The following MTBP variants were observed in gnomAD, a reference collection of about 807,000 sequenced individuals.
The protein encoded by MTBP is mdm2-binding protein.
MTBP carries 101 observed loss-of-function variants against 117.0 expected under a neutral mutation model. That is an observed-to-expected ratio of 0.86 (90% CI 0.73 to 1.02). The LOEUF (loss-of-function observed/expected upper bound fraction) is 1.02, where lower values mean the gene tolerates loss of function less well. MTBP is among the 50% of genes least tolerant of loss of function. The probability of loss-of-function intolerance (pLI) is 0.00; values close to 1 mark genes in which losing one functional copy is unlikely to be tolerated. For synonymous variants in MTBP, 350 were observed against 351.5 expected (o/e 1.00, Z 0.05); for missense variants, 970 against 1,030.9 (o/e 0.94, Z 0.81).
intron 2 of MTBP, among the ~76,000 whole-genome samples, chr8:120,449,376 TAAG>T (rs1813290754): frequency 6.6e-6 from 1 of 152,120 alleles, no homozygotes; most frequent in Non-Finnish European, 1.5e-5. Context: ...AGATGCAAAG[TAAG>T]AAGTAAAAAT....
chr8:120,461,453 C>T (rs1183393974), intron 9 of MTBP, among the ~76,000 whole-genome samples, 198 bp downstream of exon 9: 1 of 152,128 alleles, frequency 6.6e-6, no homozygotes, highest in African/African-American at 2.4e-5. Context: ...TTCCCACCAC[C>T]TGGATCCTAT....
chr8:120,495,587 G>A lies in MTBP; in HGVS notation c.1448-1806G>A, dbSNP rs540921024. 9.9e-5 allele frequency among the ~76,000 whole-genome samples: 15 copies of A among 151,630 alleles called. 1 individual carries two copies. The South Asian group carries it at 2.5e-3, about 25-fold the overall frequency. ...CTCTGGAGCTCTGGAGCTCTTACTA[G>A]ATATTGACTTTTCTGGACAGAATGC... On this transcript the variant is annotated intron_variant, in intron 13 of 21. Coordinates refer to ENST00000305949, the MANE Select transcript of MTBP (RefSeq NM_022045.5).
intron 2 of MTBP, among the ~76,000 whole-genome samples, chr8:120,448,298 T>C (rs1813268585): frequency 2.6e-5 from 4 of 152,222 alleles, no homozygotes; most frequent in Admixed American, 2.6e-4. Context: ...AGCCTCATTT[T>C]CTCTGGGACA....
chr8:120,488,028 G>T, intron 11 of MTBP, 131 bp from the exon 12 acceptor site: 1 of 586,732 alleles, frequency 1.7e-6, no homozygotes. Flanking sequence ...ACAACTACTA[G>T]CCCTGAATGT....
chr8:120,474,078 A>G (rs1813882583), intron 11 of MTBP: 1 of 152,106 alleles, frequency 6.6e-6, no homozygotes, highest in East Asian at 1.9e-4. Flanking sequence ...TTTCCATTGT[A>G]ATTTTAAGAA....
intron 13 of MTBP, among the ~76,000 whole-genome samples, chr8:120,496,041 C>A (rs1814446632): frequency 6.6e-6 from 1 of 152,176 alleles, no homozygotes; most frequent in Non-Finnish European, 1.5e-5. Context: ...GAAAGCTGTA[C>A]TAAAGGATAT....
chr8:120,458,148 A>G (rs901773665), intron 7 of MTBP, among the ~76,000 whole-genome samples: 2 of 152,150 alleles, frequency 1.3e-5, no homozygotes, highest in African/African-American at 4.8e-5. Context: ...TGCATTTAAA[A>G]CTTGAAATCA....
intron 8 of MTBP, among the ~76,000 whole-genome samples, chr8:120,460,944 G>T (rs1239504396): frequency 1.3e-5 from 2 of 152,016 alleles, no homozygotes; most frequent in East Asian, 3.9e-4. Flanking sequence ...GCTCTTCCTG[G>T]TTACTAAGTG....
At chr8:120,466,186 A>ATTGAG (rs1813686426) in intron 10 of MTBP, among the ~76,000 whole-genome samples, 1 of 149,852 alleles carries the variant, frequency 6.7e-6, no homozygotes, top group Non-Finnish European at 1.5e-5. Context: ...TTTCTTAAAC[A>ATTGAG]TTGAGTTATG....
At chr8:120,484,641 G>C (rs1814171918) in intron 11 of MTBP, among the ~76,000 whole-genome samples, 1 of 152,142 alleles carries the variant, frequency 6.6e-6, no homozygotes, top group African/African-American at 2.4e-5. Context: ...TAAAAATACA[G>C]TTTTATTGAG....
chr8:120,447,318 G>A (rs1451427737), intron 2 of MTBP, among the ~76,000 whole-genome samples: 1 of 151,694 alleles, frequency 6.6e-6, no homozygotes, highest in Non-Finnish European at 1.5e-5. Context: ...CACCATTGGG[G>A]AATGATTTCT....
In MTBP at chr8:120,466,996, G is replaced by A. The variant is rs535564976; in HGVS notation, c.1047+3235G>A. Among the ~76,000 whole-genome samples the A allele has an allele frequency of 1.5e-4, 23 of 152,198 alleles. 1 individual carries two copies. Among genetic ancestry groups the A allele is most frequent in the Non-Finnish European group, 2.8e-4 (19 of 68,032 alleles). On this transcript the variant is annotated intron_variant, in intron 10 of 21. Coordinates refer to ENST00000305949, the MANE Select transcript of MTBP (RefSeq NM_022045.5). ...AATATTGGATAGAATAAGATGGACA[G>A]GCCCTTTCTCAAGAAACTTTCATGG...
At chr8:120,452,006 T>C (rs1222760779) in intron 4 of MTBP, 6 of 152,260 alleles carry the variant, frequency 3.9e-5, no homozygotes, top group Non-Finnish European at 8.8e-5. Flanking sequence ...AATTTATGTG[T>C]ATTTGCAGCA....
chr8:120,457,396 C>CATG (rs1339535267), intron 7 of MTBP, among the ~76,000 whole-genome samples: 1 of 152,118 alleles, frequency 6.6e-6, no homozygotes, highest in African/African-American at 2.4e-5. Context: ...TTTAGGGTAG[C>CATG]ATGGGAGCAT....
At chr8:120,486,735 G>T (rs1410023789) in intron 11 of MTBP, among the ~76,000 whole-genome samples, 1 of 152,104 alleles carries the variant, frequency 6.6e-6, no homozygotes, top group Non-Finnish European at 1.5e-5. Flanking sequence ...TTGGGAATGG[G>T]TGGGGAAAAG....
At chr8:120,521,017 G>A (rs1815000558) in intron 20 of MTBP, among the ~76,000 whole-genome samples, 1 of 151,998 alleles carries the variant, frequency 6.6e-6, no homozygotes, top group African/African-American at 2.4e-5. Flanking sequence ...ATCTAAAATG[G>A]AAAAGACAAG....
In MTBP at chr8:120,482,588, ATTAC is replaced by A. The variant is rs534739548; in HGVS notation, c.1166-5567_1166-5564del. ...AATGTATATAGTTTATGATCCTAAT[ATTAC>A]TTAATTGTTTAAAATAGTCATGGTG... On this transcript the variant is annotated intron_variant, in intron 11 of 21. Transcript: ENST00000305949. Among the ~76,000 whole-genome samples the A allele has an allele frequency of 3.1e-4, 47 of 152,254 alleles. 1 individual carries two copies. The highest frequency in any genetic ancestry group is 5.6e-4 in the Non-Finnish European group (38 of 68,022).
At position 120,488,147 on chromosome 8, in the gene MTBP, G is replaced by A. The variant is rs1563797354; in HGVS notation, c.1166-12G>A. On this transcript the variant is annotated splice_polypyrimidine_tract_variant and intron_variant, in intron 11 of 21. Transcript: ENST00000305949. ...TTTTCACATACTTAACAAGATAATT[G>A]TTTTTGTTTAGTTCCAGATGTTGAA... The A allele has an allele frequency of 6.4e-7, 1 of 1,574,662 alleles. No individual in the cohort carries two copies. Among genetic ancestry groups the A allele is most frequent in the East Asian group, 2.4e-5 (1 of 42,520 alleles).
At chr8:120,498,241 G>C (rs1052559480) in intron 14 of MTBP, among the ~76,000 whole-genome samples, 2 of 152,150 alleles carry the variant, frequency 1.3e-5, no homozygotes, top group African/African-American at 4.8e-5. Context: ...ATTATTGTGA[G>C]GATTAGTAGG....
Sources: allele counts gnomAD v4.1 joint callset (sites outside exome capture counted in the v4.1 genomes callset), GRCh38; gene constraint gnomAD v4.1.1; transcripts MANE v1.5; gene names NCBI Gene and HGNC (gene_info 2026-07-23, HGNC 2026-07-21).